Variants in KYNU observed in about 807,000 individuals in gnomAD.
KYNU encodes the protein L-kynurenine hydrolase.
KYNU carries 54 observed loss-of-function variants against 59.2 expected under a neutral mutation model. That is an observed-to-expected ratio of 0.91 (90% confidence interval 0.73 to 1.14). The LOEUF (loss-of-function observed/expected upper bound fraction) is 1.14. Ranked by LOEUF, KYNU falls within the 50% of genes most tolerant of loss-of-function variation. The pLI is 0.00. For missense variants in KYNU, 567 were observed against 554.4 expected (o/e 1.02, Z -0.23); for synonymous variants, 177 against 192.0 (o/e 0.92, Z 0.65).
chr2:142,941,190 C>T (rs2105050289), intron 4 of KYNU, among the ~76,000 whole-genome samples: 1 of 152,342 alleles, frequency 6.6e-6, no homozygotes, highest in African/African-American at 2.4e-5. Flanking sequence ...AGATGTCTCT[C>T]AGGGCCCCAA....
intron 2 of KYNU, among the ~76,000 whole-genome samples, chr2:142,901,335 G>A (rs1220882098): frequency 6.6e-6 from 1 of 152,130 alleles, no homozygotes; most frequent in Admixed American, 6.5e-5. Context: ...TCCTTGTGAG[G>A]TTCCCCGTTC....
chr2:142,918,065 AAAC>A (rs1416241323), intron 2 of KYNU, among the ~76,000 whole-genome samples: 1 of 152,240 alleles, frequency 6.6e-6, no homozygotes, highest in Non-Finnish European at 1.5e-5. Flanking sequence ...TAGATGTAGA[AAAC>A]AATCTTTGCC....
chr2:143,040,397 C>T, intron 12 of KYNU, 31 bp from the exon 13 acceptor site: 1 of 1,503,980 alleles, frequency 6.6e-7, no homozygotes, highest in Non-Finnish European at 9.3e-7. Context: ...ATCAATAAGA[C>T]ACTTTAATCT....
intron 10 of KYNU, among the ~76,000 whole-genome samples, chr2:142,994,646 C>T (rs1445806600): frequency 6.6e-6 from 1 of 151,950 alleles, no homozygotes; most frequent in East Asian, 1.9e-4. Context: ...TTTAGCATGT[C>T]TTATATGGTT....
chr2:142,903,384 T>A (rs909468310), intron 2 of KYNU, among the ~76,000 whole-genome samples: 15 of 152,188 alleles, frequency 9.9e-5, no homozygotes, highest in African/African-American at 3.6e-4. Flanking sequence ...TTCAGGTGTA[T>A]AATGGTCCCT....
At chr2:142,998,712 A>G (rs1434022326) in intron 10 of KYNU, among the ~76,000 whole-genome samples, 1 of 152,116 alleles carries the variant, frequency 6.6e-6, no homozygotes, top group Non-Finnish European at 1.5e-5. Context: ...TATATACTAA[A>G]AAGAATAGCT....
rs756097477 is a variant in KYNU, at chr2:142,993,181, A to G, written c.902+7160A>G. ...GAGAGAGATTCATTTCAGAAGTTCCATAAATTTAAGGGGATATAAAAAAGA... is the reference window on the plus strand; with the variant it reads ...GAGAGAGATTCATTTCAGAAGTTCCGTAAATTTAAGGGGATATAAAAAAGA... On this transcript the variant is annotated intron_variant, in intron 10 of 13. Transcript: ENST00000264170. Among the ~76,000 whole-genome samples, 162 of 151,800 alleles carry G rather than the reference A, an allele frequency of 1.1e-3. 2 individuals are homozygous for G. Among genetic ancestry groups the G allele is most frequent in the South Asian group, 4.2e-4 (2 of 4,794 alleles).
At chr2:142,895,612 A>G in intron 2 of KYNU, among the ~76,000 whole-genome samples, 1 of 152,084 alleles carries the variant, frequency 6.6e-6, no homozygotes, top group East Asian at 1.9e-4. Context: ...TGTGAGTGTA[A>G]ATTTTTTATC....
intron 4 of KYNU, among the ~76,000 whole-genome samples, chr2:142,935,270 G>C (rs1007247746): frequency 6.6e-6 from 1 of 152,132 alleles, no homozygotes; most frequent in Admixed American, 6.5e-5. Context: ...GCTGGTTTTC[G>C]TCAGGACCCT....
intron 3 of KYNU, among the ~76,000 whole-genome samples, chr2:142,921,615 C>G (rs754567171): frequency 5.3e-5 from 8 of 152,080 alleles, no homozygotes; most frequent in Non-Finnish European, 1.2e-4. Context: ...CCAGACCAAC[C>G]TGGGCAACAT....
chr2:143,003,577 G>A (rs1685776244), intron 10 of KYNU, among the ~76,000 whole-genome samples: 1 of 152,102 alleles, frequency 6.6e-6, no homozygotes, highest in Admixed American at 6.5e-5. Context: ...GTGAGACTCT[G>A]TCTGAAAACA....
At chr2:142,991,331 G>T (rs149648205) in intron 10 of KYNU, among the ~76,000 whole-genome samples, 1 of 151,884 alleles carries the variant, frequency 6.6e-6, no homozygotes, top group African/African-American at 2.4e-5. Context: ...AGGCCTTCTT[G>T]TGCAAAGTTT....
Position 142,904,351 on chromosome 2 carries a change from A to G in KYNU, c.170-14258A>G, listed in dbSNP as rs189487515. ...TTCCATGTTCTGATTCTGTGTCCCAATGAGGGTCTACACTGGGAACTGCCT... is the reference window on the plus strand; with the variant it reads ...TTCCATGTTCTGATTCTGTGTCCCAGTGAGGGTCTACACTGGGAACTGCCT... On this transcript the variant is annotated intron_variant, in intron 2 of 13. Coordinates refer to ENST00000264170, the MANE Select transcript of KYNU (RefSeq NM_003937.3). Among the ~76,000 whole-genome samples, 227 of 152,268 alleles carry G rather than the reference A, an allele frequency of 1.5e-3. 1 individual carries two copies. The highest frequency in any genetic ancestry group is 2.6e-3 in the Non-Finnish European group (180 of 68,022).
intron 10 of KYNU, among the ~76,000 whole-genome samples, chr2:143,000,653 AT>A (rs201088866): frequency 0.18 from 26,752 of 152,050 alleles, 2,979 homozygotes; most frequent in African/African-American, 0.31. Flanking sequence ...GGAAGCTGGC[AT>A]ATCTCTAACT....
Position 143,045,214 on chromosome 2 carries a change from A to G in KYNU, c.*3042A>G, listed in dbSNP as rs1277798776. ...TATATGTCTGTTTTTGTTCAGTACCATGCTGTTTTGTTTACTATAGCCTTG... is the reference window on the plus strand; with the variant it reads ...TATATGTCTGTTTTTGTTCAGTACCGTGCTGTTTTGTTTACTATAGCCTTG... On this transcript the variant is annotated 3_prime_UTR_variant, in exon 14 of 14. Coordinates refer to ENST00000264170, the MANE Select transcript of KYNU (RefSeq NM_003937.3). 1 of 152,096 alleles carries G rather than the reference A, an allele frequency of 6.6e-6. No individual in the cohort carries two copies. The highest frequency in any genetic ancestry group is 1.5e-5 in the Non-Finnish European group (1 of 68,022). The allele number at this position is 152,096 out of a possible 1,614,324, so 9.4% of individuals were successfully genotyped here.
chr2:142,993,016 C>T (rs1685447074), intron 10 of KYNU, among the ~76,000 whole-genome samples: 1 of 152,006 alleles, frequency 6.6e-6, no homozygotes, highest in Non-Finnish European at 1.5e-5. Flanking sequence ...GTATAGCAGA[C>T]TGACTCAGAG....
chr2:142,911,144 T>C (rs1682467256), intron 2 of KYNU, among the ~76,000 whole-genome samples: 1 of 152,208 alleles, frequency 6.6e-6, no homozygotes, highest in Non-Finnish European at 1.5e-5. Flanking sequence ...ATCTATAAAT[T>C]GCTTTGAGCA....
At chr2:143,041,756 A>C (rs1038197574) in intron 13 of KYNU, among the ~76,000 whole-genome samples, 7 of 152,096 alleles carry the variant, frequency 4.6e-5, no homozygotes, top group Admixed American at 2.6e-4. Context: ...GAAAAAAAAA[A>C]CAAAATGTAT....
chr2:142,960,665 T>A lies in KYNU; in HGVS notation c.624T>A (p.Ile208=). 1 of 1,613,804 alleles carries A rather than the reference T, an allele frequency of 6.2e-7. No individual in the cohort carries two copies. The highest frequency in any genetic ancestry group is 8.5e-7 in the Non-Finnish European group (1 of 1,179,834). Reference sequence around the variant, plus strand: ...GAATAGAGGATATCCTTGAAGTAATTGAGAAGGAAGGAGACTCAATTGCAG... The same window carrying A: ...GAATAGAGGATATCCTTGAAGTAATAGAGAAGGAAGGAGACTCAATTGCAG... ...TLRIEDILEV[I]EKEGDSIAVI... The change falls in exon 8 of 14, where the codon ATT becomes ATA. Residue 208 remains isoleucine (I), a synonymous_variant. Coordinates refer to ENST00000264170, the MANE Select transcript of KYNU (RefSeq NM_003937.3).
Sources: allele counts gnomAD v4.1 joint callset (sites outside exome capture counted in the v4.1 genomes callset), GRCh38; gene constraint gnomAD v4.1.1; transcripts MANE v1.5; gene names NCBI Gene and HGNC (gene_info 2026-07-23, HGNC 2026-07-21).